The following SPDYE14 variants were observed in gnomAD, a reference collection of about 807,000 sequenced individuals.
The protein encoded by SPDYE14 is speedy protein E14.
the SPDYE14 span, among the ~76,000 whole-genome samples, chr7:75,264,512 C>T: frequency 1.1e-4 from 6 of 55,382 alleles, 1 homozygote; most frequent in African/African-American, 2.6e-4. Flanking sequence ...GTTGATACTA[C>T]GTAGACTATA....
At chr7:75,268,812 T>C in the SPDYE14 span, among the ~76,000 whole-genome samples, 1 of 51,534 alleles carries the variant, frequency 1.9e-5, no homozygotes, top group Non-Finnish European at 4.5e-5. Context: ...GCAGAGGTTG[T>C]AGTAAGCCCA....
At chr7:75,279,452 ATT>A in the SPDYE14 span, among the ~76,000 whole-genome samples, 11 of 92,912 alleles carry the variant, frequency 1.2e-4, no homozygotes, top group African/African-American at 1.7e-4. Context: ...ACACCCAGCT[ATT>A]TTTTTTTTTT....
chr7:75,278,473 C>T, the SPDYE14 span, among the ~76,000 whole-genome samples: 1 of 21,540 alleles, frequency 4.6e-5, no homozygotes, highest in Non-Finnish European at 1.5e-4. Flanking sequence ...CCCAGCTACT[C>T]GGGAGGCTGA....
chr7:75,275,739 T>TAAAAA, the SPDYE14 span, among the ~76,000 whole-genome samples: 2 of 14,544 alleles, frequency 1.4e-4, no homozygotes, highest in Non-Finnish European at 1.7e-4. Context: ...AAAAATAAAT[T>TAAAAA]AAAAAAAAAA....
chr7:75,276,751 AG>A, the SPDYE14 span, among the ~76,000 whole-genome samples: 2 of 142,762 alleles, frequency 1.4e-5, no homozygotes, highest in Non-Finnish European at 3.0e-5. Flanking sequence ...TATAGAAGCC[AG>A]GCGTGGTGGT....
the SPDYE14 span, among the ~76,000 whole-genome samples, chr7:75,241,680 A>AAT: frequency 3.5e-4 from 7 of 19,740 alleles, no homozygotes; most frequent in Admixed American, 9.6e-4. Context: ...AAAAAAAAAA[A>AAT]ATATATATAT....
At chr7:75,255,114 TTC>T in the SPDYE14 span, among the ~76,000 whole-genome samples, 2 of 23,556 alleles carry the variant, frequency 8.5e-5, no homozygotes, top group African/African-American at 2.2e-4. Context: ...TCTTCTTTCT[TTC>T]TCTTTCTTTC....
At chr7:75,262,401 G>A in the SPDYE14 span, among the ~76,000 whole-genome samples, 3 of 57,828 alleles carry the variant, frequency 5.2e-5, no homozygotes, top group African/African-American at 1.5e-4. Context: ...AATAGAGATA[G>A]GGTTTCAACA....
the SPDYE14 span, among the ~76,000 whole-genome samples, chr7:75,267,754 T>TTATTTATTTATTTATA: frequency 7.6e-6 from 1 of 130,852 alleles, no homozygotes; most frequent in Non-Finnish European, 1.7e-5. Flanking sequence ...ATTTATTTAT[T>TTATTTATTTATTTATA]TAGACAGAGT....
chr7:75,247,874 G>T, the SPDYE14 span, among the ~76,000 whole-genome samples: 1 of 10,364 alleles, frequency 9.6e-5, no homozygotes, highest in Non-Finnish European at 3.7e-4. Flanking sequence ...TTTTTTTTTT[G>T]AGACAGGGTC....
the SPDYE14 span, among the ~76,000 whole-genome samples, chr7:75,271,346 G>A: frequency 4.1e-5 from 2 of 48,284 alleles, 1 homozygote; most frequent in Admixed American, 6.7e-4. Context: ...ACTCCAGCCT[G>A]GGAGACAGAG....
the SPDYE14 span, among the ~76,000 whole-genome samples, chr7:75,257,266 TTGAA>T: frequency 0.011 from 1,265 of 112,874 alleles, 188 homozygotes; most frequent in African/African-American, 0.039. Context: ...GAAGTATCTG[TTGAA>T]TGAATGAATG....
the SPDYE14 span, among the ~76,000 whole-genome samples, chr7:75,268,892 A>G: frequency 8.2e-5 from 2 of 24,452 alleles, no homozygotes; most frequent in African/African-American, 1.7e-4. Context: ...AGAGAGAGAG[A>G]GAAAGGAAAT....
the SPDYE14 span, among the ~76,000 whole-genome samples, chr7:75,275,114 GC>G: frequency 3.4e-5 from 2 of 58,230 alleles, no homozygotes; most frequent in Non-Finnish European, 4.4e-5. Flanking sequence ...GGGGGGGTCA[GC>G]CCCCCTGCCC....
the SPDYE14 span, among the ~76,000 whole-genome samples, chr7:75,271,643 C>T: frequency 1.8e-5 from 1 of 54,294 alleles, no homozygotes; most frequent in Non-Finnish European, 4.7e-5. Flanking sequence ...CCAGCCTGGC[C>T]AACATGGTGA....
chr7:75,247,110 C>T, the SPDYE14 span, among the ~76,000 whole-genome samples: 13 of 33,296 alleles, frequency 3.9e-4, 3 homozygotes, highest in African/African-American at 9.2e-4. Context: ...ATCCCAACAA[C>T]TTGGGAGGCT....
the SPDYE14 span, among the ~76,000 whole-genome samples, chr7:75,275,763 A>G: frequency 2.6e-5 from 1 of 37,848 alleles, no homozygotes; most frequent in African/African-American, 6.4e-5. Flanking sequence ...AAAAAAAAAA[A>G]GTAGACAGAA....
chr7:75,249,590 C>CT, the SPDYE14 span, among the ~76,000 whole-genome samples: 2 of 36,956 alleles, frequency 5.4e-5, no homozygotes, highest in East Asian at 1.8e-3. Context: ...TCCTTCCTTC[C>CT]TTCCTTCCTT....
At chr7:75,245,427 A>AG in the SPDYE14 span, among the ~76,000 whole-genome samples, 1 of 133,740 alleles carries the variant, frequency 7.5e-6, no homozygotes, top group African/African-American at 2.7e-5. Flanking sequence ...TATGTCTCAA[A>AG]GAAAAAAAAA....
Sources: allele counts gnomAD v4.1 joint callset (sites outside exome capture counted in the v4.1 genomes callset), GRCh38; gene constraint gnomAD v4.1.1; transcripts MANE v1.5; gene names NCBI Gene and HGNC (gene_info 2026-07-23, HGNC 2026-07-21).